MS4A4A: variants seen among roughly 807,000 people sequenced by gnomAD.
The protein encoded by MS4A4A is membrane spanning 4-domains A4A.
MS4A4A carries 26 observed loss-of-function variants against 28.0 expected under a neutral mutation model. That is an observed-to-expected ratio of 0.93 (90% CI 0.68 to 1.29). The LOEUF (loss-of-function observed/expected upper bound fraction) is 1.29, where lower values mean the gene tolerates loss of function less well. Among genes scored for constraint, MS4A4A ranks in the 50% most tolerant of loss-of-function variants. The pLI, the probability that MS4A4A is intolerant of heterozygous loss-of-function variation, is 0.00. For synonymous variants in MS4A4A, 86 were observed against 100.8 expected (o/e 0.85, Z 0.88); for missense variants, 290 against 293.1 (o/e 0.99, Z 0.08).
At chr11:60,299,385 A>G (rs1339513622) in intron 3 of MS4A4A, among the ~76,000 whole-genome samples, 1 of 150,870 alleles carries the variant, frequency 6.6e-6, no homozygotes, top group Admixed American at 6.6e-5. Context: ...CATTTTTATC[A>G]TTAAACATAA....
At chr11:60,282,658 G>A in intron 1 of MS4A4A, 1 of 1,284,932 alleles carries the variant, frequency 7.8e-7, no homozygotes, top group Non-Finnish European at 1.0e-6. Context: ...TCTCAATATA[G>A]GAATGAAATT....
intron 5 of MS4A4A, among the ~76,000 whole-genome samples, chr11:60,303,328 A>T (rs1210590958): frequency 6.6e-6 from 1 of 152,176 alleles, no homozygotes; most frequent in Non-Finnish European, 1.5e-5. Flanking sequence ...AAACTTCTTG[A>T]TATTTTGGGC....
intron 1 of MS4A4A, among the ~76,000 whole-genome samples, chr11:60,283,062 T>C (rs1281557119): frequency 1.3e-5 from 2 of 152,142 alleles, no homozygotes; most frequent in South Asian, 2.1e-4. Context: ...TGATTGAGCA[T>C]AGAGGGTAGG....
chr11:60,300,540 C>T (rs928111635), intron 3 of MS4A4A, among the ~76,000 whole-genome samples: 1 of 140,526 alleles, frequency 7.1e-6, no homozygotes, highest in Non-Finnish European at 1.5e-5. Flanking sequence ...GGCGTGAACC[C>T]GGGAGGCGGA....
intron 1 of MS4A4A, among the ~76,000 whole-genome samples, chr11:60,287,401 C>A (rs556597024): frequency 6.6e-6 from 1 of 152,162 alleles, no homozygotes; most frequent in South Asian, 2.1e-4. Context: ...CCTGTGATAA[C>A]TAACCTTCTC....
chr11:60,303,657 G>A (rs758634144), intron 5 of MS4A4A, among the ~76,000 whole-genome samples: 2 of 152,122 alleles, frequency 1.3e-5, no homozygotes, highest in Non-Finnish European at 2.9e-5. Flanking sequence ...GCAGTGAGCC[G>A]AGATGGACAC....
intron 3 of MS4A4A, among the ~76,000 whole-genome samples, chr11:60,300,601 G>C (rs2084944213): frequency 8.7e-6 from 1 of 114,356 alleles, no homozygotes; most frequent in African/African-American, 3.6e-5. Flanking sequence ...GGGCGACAGA[G>C]CGAGACTCCG....
chr11:60,286,389 A>C (rs1391313888), intron 1 of MS4A4A, among the ~76,000 whole-genome samples: 1 of 152,238 alleles, frequency 6.6e-6, no homozygotes, highest in Non-Finnish European at 1.5e-5. Context: ...TGATTGGGGA[A>C]GTGATAAATG....
At chr11:60,304,881 A>G (rs915905336) in intron 5 of MS4A4A, among the ~76,000 whole-genome samples, 2 of 152,342 alleles carry the variant, frequency 1.3e-5, no homozygotes, top group African/African-American at 4.8e-5. Context: ...TTGCTGCTCT[A>G]TCTTCTGTGC....
intron 3 of MS4A4A, among the ~76,000 whole-genome samples, chr11:60,298,627 G>A (rs1325623449): frequency 6.6e-6 from 1 of 152,096 alleles, no homozygotes; most frequent in African/African-American, 2.4e-5. Context: ...TTCAAATAGG[G>A]TCAATGTATT....
At chr11:60,295,706 G>A (rs903869168) in intron 2 of MS4A4A, among the ~76,000 whole-genome samples, 1 of 151,980 alleles carries the variant, frequency 6.6e-6, no homozygotes, top group Non-Finnish European at 1.5e-5. Context: ...AACAGGCATT[G>A]GATTTTGTTC....
chr11:60,299,220 T>C (rs1257919359), intron 3 of MS4A4A, among the ~76,000 whole-genome samples: 1 of 152,164 alleles, frequency 6.6e-6, no homozygotes, highest in Non-Finnish European at 1.5e-5. Flanking sequence ...TTCTTGAATG[T>C]TTGCAATATA....
At chr11:60,301,547 T>C (rs2084952819) in intron 4 of MS4A4A, among the ~76,000 whole-genome samples, 1 of 152,198 alleles carries the variant, frequency 6.6e-6, no homozygotes, top group Non-Finnish European at 1.5e-5. Flanking sequence ...ATAAAGCCAA[T>C]ACAATGCGAA....
chr11:60,286,830 G>A (rs902177924), intron 1 of MS4A4A, among the ~76,000 whole-genome samples: 7 of 152,056 alleles, frequency 4.6e-5, no homozygotes, highest in East Asian at 3.9e-4. Context: ...TTTTCCAGCC[G>A]CTCTTTGACT....
intron 3 of MS4A4A, among the ~76,000 whole-genome samples, chr11:60,298,617 T>C (rs1387748211): frequency 6.6e-6 from 1 of 152,200 alleles, no homozygotes; most frequent in Non-Finnish European, 1.5e-5. Flanking sequence ...GGAATGAAGA[T>C]TCAAATAGGG....
chr11:60,289,676 T>G (rs931591451), intron 1 of MS4A4A, among the ~76,000 whole-genome samples: 2 of 151,618 alleles, frequency 1.3e-5, no homozygotes, highest in African/African-American at 2.4e-5. Context: ...GTGACATTCT[T>G]TAGAATTCTA....
At chr11:60,282,061 T>C (rs1042281095) in intron 1 of MS4A4A, among the ~76,000 whole-genome samples, 19 of 152,188 alleles carry the variant, frequency 1.2e-4, no homozygotes, top group Non-Finnish European at 5.9e-5. Flanking sequence ...TATATGAATT[T>C]ATGGCCAGAG....
chr11:60,291,802 A>AG (rs1035496481), intron 1 of MS4A4A, among the ~76,000 whole-genome samples: 1 of 151,558 alleles, frequency 6.6e-6, no homozygotes, highest in Non-Finnish European at 1.5e-5. Context: ...ATCTCAAAAA[A>AG]AAAAAACAAA....
chr11:60,305,606 T>A (rs1297971807), intron 5 of MS4A4A: 1 of 153,174 alleles, frequency 6.5e-6, no homozygotes, highest in Admixed American at 6.5e-5. Context: ...AATTCTCTTA[T>A]ATCAGCTAAT....
Sources: allele counts gnomAD v4.1 joint callset (sites outside exome capture counted in the v4.1 genomes callset), GRCh38; gene constraint gnomAD v4.1.1; transcripts MANE v1.5; gene names NCBI Gene and HGNC (gene_info 2026-07-23, HGNC 2026-07-21).